Variants in PIGH observed in about 807,000 individuals in gnomAD.
PIGH encodes the protein phosphatidylinositol glycan anchor biosynthesis class H.
Under a neutral mutation model 20.1 loss-of-function variants are expected in PIGH, and 11 were observed. That is an observed-to-expected ratio of 0.55 (90% CI 0.34 to 0.91). PIGH has a LOEUF of 0.91. Among genes scored for constraint, PIGH ranks in the 40% least tolerant of loss-of-function variants. PIGH has a pLI of 0.02. For missense variants in PIGH, 189 were observed against 233.6 expected (o/e 0.81, Z 1.24); for synonymous variants, 72 against 93.1 (o/e 0.77, Z 1.31).
chr14:67,589,945 G>A lies in PIGH; in HGVS notation c.*135C>T. The stretch of plus-strand genomic sequence containing the variant: ...TAGATTTCCAGTCACCTGCTCTATG[G>A]CTCTAAGATGCACTACATCCATAAT... On this transcript the variant is annotated 3_prime_UTR_variant, in exon 4 of 4. Coordinates refer to ENST00000216452, the MANE Select transcript of PIGH (RefSeq NM_004569.5). The A allele has an allele frequency of 7.4e-7, 1 of 1,342,398 alleles. No homozygotes were observed. Among genetic ancestry groups the A allele is most frequent in the Non-Finnish European group, 9.6e-7 (1 of 1,044,236 alleles). The allele number at this position is 1,342,398 out of a possible 1,614,324, so 83.2% of individuals were successfully genotyped here.
chr14:67,590,677 C>G (rs1223707778), intron 3 of PIGH, among the ~76,000 whole-genome samples: 2 of 152,174 alleles, frequency 1.3e-5, no homozygotes, highest in Non-Finnish European at 2.9e-5. Flanking sequence ...ACTTCAATCT[C>G]TCACCCACAT....
intron 2 of PIGH, chr14:67,593,504 G>T: frequency 4.4e-6 from 2 of 454,728 alleles, no homozygotes; most frequent in Non-Finnish European, 3.9e-6. Context: ...AAAAAAAAAA[G>T]AAAAAAGATA....
rs374504830 is a variant in PIGH at position 67,599,942 on chromosome 14, C to T, written c.180+82G>A. The T allele has an allele frequency of 1.6e-5, 19 of 1,219,110 alleles. No individual in the cohort carries two copies. The East Asian group carries it at 3.7e-4, about 24-fold the overall frequency. The allele number at this position is 1,219,110 out of a possible 1,614,324, so 75.5% of individuals were successfully genotyped here. On this transcript the variant is annotated intron_variant, in intron 1 of 3. Coordinates refer to ENST00000216452, the MANE Select transcript of PIGH (RefSeq NM_004569.5). ...CTGTAGGAGGGGCCGACCAGAGGTC[C>T]GGGCTCGACCAAAGACCCCAAAGAC...
Position 67,590,096 on chromosome 14 carries a change from G to A in PIGH, c.551C>T (p.Thr184Ile), listed in dbSNP as rs145424133. 11 of 1,550,810 alleles carry A rather than the reference G, an allele frequency of 7.1e-6. No homozygotes were observed. The African/African-American group carries it at 1.5e-4, about 21-fold the overall frequency. ...CQEILAHQKA[T>I]STSP is the part of the protein sequence containing the mutation. ...CGCTGGGGCTCATGGGCTTGTTGAT[G>A]TGGCTTTCTGGTGTGCCAGGATCTC... The change falls in exon 4 of 4, where the codon ACA (threonine) becomes ATA (isoleucine). Residue 184 changes from threonine (T) to isoleucine (I), a missense_variant. Thr to Ile is a moderately conservative substitution (Grantham distance 89). Coordinates refer to ENST00000216452, the MANE Select transcript of PIGH (RefSeq NM_004569.5).
At chr14:67,590,998 TAAAAG>T (rs1454664647) in intron 3 of PIGH, among the ~76,000 whole-genome samples, 3 of 151,734 alleles carry the variant, frequency 2.0e-5, no homozygotes, top group East Asian at 1.9e-4. Flanking sequence ...TAACCAAAAT[TAAAAG>T]AAAAGCCACA....
chr14:67,600,142 TAGCGGCGC>T lies in PIGH; in HGVS notation c.54_61del (p.Arg19LeufsTer65), dbSNP rs1350100245. The stretch of plus-strand genomic sequence containing the variant: ...GAATTCCCGGCAGGACGGGGAGTAG[TAGCGGCGC>T]TGCAGCGCCAGGCGGCCGCCGCAGA... On this transcript the variant is annotated frameshift_variant, in exon 1 of 4. Transcript: ENST00000216452. LOFTEE classifies it high-confidence loss of function. 6.3e-7 allele frequency: 1 copy of T among 1,593,986 alleles called. No homozygotes were observed. Among genetic ancestry groups the T allele is most frequent in the East Asian group, 2.3e-5 (1 of 43,708 alleles).
intron 1 of PIGH, among the ~76,000 whole-genome samples, chr14:67,597,767 A>AAAAAAG (rs1555375942): frequency 2.1e-5 from 1 of 47,198 alleles, no homozygotes; most frequent in Non-Finnish European, 5.2e-5. Context: ...GTTTAAAAAA[A>AAAAAAG]AAAAAGACAT....
intron 1 of PIGH, among the ~76,000 whole-genome samples, chr14:67,598,328 G>A (rs1328203830): frequency 6.6e-6 from 1 of 152,146 alleles, no homozygotes; most frequent in East Asian, 1.9e-4. Context: ...AAGTACAGAA[G>A]GGACCTGGCA....
rs1240704872 is a variant in PIGH at position 67,589,538 on chromosome 14, CTG to C, written c.*540_*541del. ...AAGCAGCTATCTGTGAACCAGGTAA[CTG>C]TGTGTTTTGGAAGATCTGTTTATTA... On this transcript the variant is annotated 3_prime_UTR_variant, in exon 4 of 4. Transcript: ENST00000216452. The C allele has an allele frequency of 1.0e-6, 1 of 985,220 alleles. No homozygotes were observed. The allele number at this position is 985,220 out of a possible 1,614,324, so 61.0% of individuals were successfully genotyped here.
chr14:67,592,312 C>T (rs1184945589), intron 3 of PIGH: 1 of 434,058 alleles, frequency 2.3e-6, no homozygotes, highest in South Asian at 2.0e-5. Context: ...AGATGGTGCA[C>T]ACCTGTAGTC....
chr14:67,598,913 T>C (rs1162124672), intron 1 of PIGH, among the ~76,000 whole-genome samples: 2 of 147,546 alleles, frequency 1.4e-5, no homozygotes, highest in Non-Finnish European at 3.0e-5. Flanking sequence ...TTTCACCATG[T>C]TGGCCAGGCT....
At chr14:67,597,232 C>T (rs1240986419) in intron 1 of PIGH, among the ~76,000 whole-genome samples, 1 of 152,258 alleles carries the variant, frequency 6.6e-6, no homozygotes, top group African/African-American at 2.4e-5. Flanking sequence ...AATCCCAACA[C>T]TTTGGGAGGC....
chr14:67,599,287 G>C (rs1005892000), intron 1 of PIGH, among the ~76,000 whole-genome samples: 9 of 152,124 alleles, frequency 5.9e-5, no homozygotes, highest in African/African-American at 2.2e-4. Context: ...TTTTATTTGA[G>C]AGCTGTCACA....
At chr14:67,598,695 A>C (rs2036517577) in intron 1 of PIGH, among the ~76,000 whole-genome samples, 1 of 148,166 alleles carries the variant, frequency 6.7e-6, no homozygotes, top group Non-Finnish European at 1.5e-5. Context: ...TCATCATTTT[A>C]ACTGACTTAT....
rs1193065080 is a variant in PIGH, at chr14:67,600,055, A to G, written c.149T>C (p.Leu50Pro). The change falls in exon 1 of 4, where the codon CTG becomes CCG. Residue 50 changes from leucine to proline, a missense_variant. Transcript: ENST00000216452. ...SLTAVTCTVW[L>P]AAYGLFTLCE... ...GAGGGTGAAGAGTCCGTAGGCCGCC[A>G]GCCACACCGTGCAGGTGACAGCGGT... is the stretch of plus-strand genomic sequence containing the variant. 2 of 1,587,396 alleles carry G rather than the reference A, an allele frequency of 1.3e-6. No homozygotes were observed. The highest frequency in any genetic ancestry group is 1.8e-5 in the Admixed American group (1 of 56,306).
chr14:67,600,207 G>A lies in PIGH; in HGVS notation c.-4C>T, dbSNP rs1156413177. On this transcript the variant is annotated 5_prime_UTR_variant, in exon 1 of 4. Transcript: ENST00000216452. ...AAAAGCTCCGCTCATCCTCCATGAC[G>A]CCCCCACTCGGCCGCCCGCACCGCG... 3 of 1,566,604 alleles carry A rather than the reference G, an allele frequency of 1.9e-6. No homozygotes were observed. Among genetic ancestry groups the A allele is most frequent in the Non-Finnish European group, 2.6e-6 (3 of 1,157,396 alleles).
At chr14:67,597,297 G>A (rs1313141516) in intron 1 of PIGH, among the ~76,000 whole-genome samples, 1 of 152,188 alleles carries the variant, frequency 6.6e-6, no homozygotes, top group Admixed American at 6.5e-5. Context: ...GGGCAACCTA[G>A]TGAGACCCTG....
At chr14:67,594,920 C>T (rs908173990) in intron 1 of PIGH, among the ~76,000 whole-genome samples, 2 of 152,100 alleles carry the variant, frequency 1.3e-5, no homozygotes, top group African/African-American at 2.4e-5. Context: ...GAGGCCGAGG[C>T]GGGCGGATCA....
At chr14:67,591,511 T>C (rs2036368789) in intron 3 of PIGH, among the ~76,000 whole-genome samples, 1 of 152,212 alleles carries the variant, frequency 6.6e-6, no homozygotes, top group South Asian at 2.1e-4. Context: ...CCTCTAAATT[T>C]ATTATTTTGT....
Sources: allele counts gnomAD v4.1 joint callset (sites outside exome capture counted in the v4.1 genomes callset), GRCh38; gene constraint gnomAD v4.1.1; transcripts MANE v1.5; gene names NCBI Gene and HGNC (gene_info 2026-07-23, HGNC 2026-07-21).